NTM: variants seen among roughly 807,000 people sequenced by gnomAD.
The protein encoded by NTM is neurotrimin.
In NTM, 13 loss-of-function variants were observed where a neutral mutation model predicts 42.1. That is an observed-to-expected ratio of 0.31 (90% CI 0.20 to 0.49). The LOEUF (loss-of-function observed/expected upper bound fraction) is 0.49. Ranked by LOEUF, NTM falls within the 20% of genes least tolerant of loss-of-function variation. The pLI is 0.99. For missense variants in NTM, 373 were observed against 452.8 expected, an observed-to-expected ratio of 0.82 and a Z score of 1.60; for synonymous variants, 187 against 179.2, an observed-to-expected ratio of 1.04 and a Z score of -0.35.
intron 2 of NTM, among the ~76,000 whole-genome samples, chr11:132,049,694 T>C (rs1241547020): frequency 1.3e-5 from 2 of 152,100 alleles, no homozygotes; most frequent in Non-Finnish European, 2.9e-5. Context: ...ATGTGACACC[T>C]CTGGGGAAGA....
chr11:132,159,144 G>A (rs1189920362), intron 3 of NTM, among the ~76,000 whole-genome samples: 2 of 152,192 alleles, frequency 1.3e-5, no homozygotes, highest in Admixed American at 6.5e-5. Flanking sequence ...AAACAAGGCT[G>A]AGATTGTATT....
chr11:131,828,181 A>G (rs185953003), intron 1 of NTM, among the ~76,000 whole-genome samples: 277 of 152,304 alleles, frequency 1.8e-3, no homozygotes, highest in Non-Finnish European at 2.9e-3. Context: ...AGTGAGATGA[A>G]TCAGGCAAAG....
At chr11:131,426,977 G>T (rs1410191328) in intron 1 of NTM, among the ~76,000 whole-genome samples, 1 of 152,066 alleles carries the variant, frequency 6.6e-6, no homozygotes, top group African/African-American at 2.4e-5. Flanking sequence ...TTACCCCTTT[G>T]ACCTTCAGAG....
intron 4 of NTM, among the ~76,000 whole-genome samples, chr11:132,229,288 C>T (rs759844305): frequency 8.5e-5 from 13 of 152,160 alleles, no homozygotes; most frequent in Non-Finnish European, 1.5e-4. Flanking sequence ...GCGCAGAGCA[C>T]GCACTTAGAC....
chr11:132,151,340 G>A (rs2071864339), intron 3 of NTM, among the ~76,000 whole-genome samples: 1 of 152,166 alleles, frequency 6.6e-6, no homozygotes, highest in Non-Finnish European at 1.5e-5. Flanking sequence ...ACCCATGAAT[G>A]GTGGTAGAGC....
At chr11:131,655,779 C>A (rs2067108178) in intron 1 of NTM, among the ~76,000 whole-genome samples, 1 of 152,242 alleles carries the variant, frequency 6.6e-6, no homozygotes, top group South Asian at 2.1e-4. Flanking sequence ...CCTACCCAGC[C>A]AAGCTCTGTG....
At chr11:132,327,040 C>G (rs544885933) in intron 7 of NTM, among the ~76,000 whole-genome samples, 6 of 152,284 alleles carry the variant, frequency 3.9e-5, no homozygotes, top group Admixed American at 2.0e-4. Context: ...TTTCTGCCAC[C>G]ATTGAAGTAT....
chr11:131,671,752 G>C (rs370599761), intron 1 of NTM, among the ~76,000 whole-genome samples: 1 of 152,342 alleles, frequency 6.6e-6, no homozygotes, highest in South Asian at 2.1e-4. Flanking sequence ...AAGTGGCATC[G>C]AAAGTGGCAA....
intron 1 of NTM, among the ~76,000 whole-genome samples, chr11:131,824,249 T>C (rs2041870057): frequency 6.6e-6 from 1 of 152,148 alleles, no homozygotes; most frequent in African/African-American, 2.4e-5. Flanking sequence ...ATTCAAGCCA[T>C]TTGGTAGTAA....
intron 1 of NTM, among the ~76,000 whole-genome samples, chr11:131,498,551 C>T (rs1955594560): frequency 6.6e-6 from 1 of 152,140 alleles, no homozygotes; most frequent in Non-Finnish European, 1.5e-5. Flanking sequence ...CGCACACACT[C>T]ACACACATAC....
In NTM at chr11:132,145,942, A is replaced by G. The variant is rs564764058; in HGVS notation, c.168-340A>G. ...AAACAGCTAGACATAACTATGAAGGATTATCATCACCCAAATCCTTGAGCA... is the reference window on the plus strand; with the variant it reads ...AAACAGCTAGACATAACTATGAAGGGTTATCATCACCCAAATCCTTGAGCA... On this transcript the variant is annotated intron_variant, in intron 2 of 8. Coordinates refer to ENST00000683400, the MANE Select transcript of NTM (RefSeq NM_001352005.2). 2.6e-5 allele frequency among the ~76,000 whole-genome samples: 4 copies of G among 152,336 alleles called. 1 individual carries two copies. Among genetic ancestry groups the G allele is most frequent in the African/African-American group, 9.6e-5 (4 of 41,572 alleles).
intron 6 of NTM, chr11:132,312,912 C>T (rs902632903): frequency 2.6e-5 from 4 of 152,294 alleles, no homozygotes; most frequent in South Asian, 2.1e-4. Context: ...TTAATGAAGC[C>T]GTGGACTCAG....
At chr11:131,496,941 G>A (rs1955408048) in intron 1 of NTM, among the ~76,000 whole-genome samples, 1 of 152,156 alleles carries the variant, frequency 6.6e-6, no homozygotes, top group African/African-American at 2.4e-5. Context: ...GGAACCTCAG[G>A]CCTCTCCCTC....
chr11:131,571,859 T>C (rs1034173619), intron 1 of NTM, among the ~76,000 whole-genome samples: 10 of 152,172 alleles, frequency 6.6e-5, no homozygotes, highest in African/African-American at 2.4e-4. Flanking sequence ...GACTCCTTTT[T>C]GGTAATATGG....
intron 1 of NTM, among the ~76,000 whole-genome samples, chr11:131,420,516 G>T (rs778029583): frequency 5.9e-5 from 9 of 152,162 alleles, no homozygotes; most frequent in Non-Finnish European, 1.3e-4. Context: ...TGTTACAGCG[G>T]CAGTAGGAAA....
chr11:132,087,728 C>T (rs1333880790), intron 2 of NTM, among the ~76,000 whole-genome samples: 1 of 150,570 alleles, frequency 6.6e-6, no homozygotes, highest in African/African-American at 2.4e-5. Context: ...CAGGGTGGAG[C>T]AAAGGGAAAA....
At chr11:132,164,598 T>C (rs1357458142) in intron 3 of NTM, among the ~76,000 whole-genome samples, 1 of 151,976 alleles carries the variant, frequency 6.6e-6, no homozygotes, top group Non-Finnish European at 1.5e-5. Flanking sequence ...TGATGGAATG[T>C]CTGGCCATTG....
intron 7 of NTM, among the ~76,000 whole-genome samples, chr11:132,319,715 C>T (rs950892735): frequency 2.0e-5 from 3 of 152,242 alleles, no homozygotes; most frequent in Non-Finnish European, 4.4e-5. Flanking sequence ...ACACAAAAGA[C>T]AGCAGTAACC....
At chr11:131,515,846 AT>A (rs564705959) in intron 1 of NTM, among the ~76,000 whole-genome samples, 21 of 152,138 alleles carry the variant, frequency 1.4e-4, no homozygotes, top group Non-Finnish European at 2.9e-4. Flanking sequence ...ATTTACAGTC[AT>A]TTTTGTTAAA....
Sources: gnomAD v4.1 joint callset for allele counts (sites outside exome capture counted in the v4.1 genomes callset) on GRCh38, gnomAD v4.1.1 for gene constraint, MANE v1.5 for transcripts, NCBI Gene and HGNC (gene_info 2026-07-23, HGNC 2026-07-21) for gene names.